DCBLD2: variants seen among roughly 807,000 people sequenced by gnomAD.
DCBLD2 encodes discoidin, CUB and LCCL domain-containing protein 2.
DCBLD2 carries 54 observed loss-of-function variants against 86.8 expected under a neutral mutation model. The ratio of observed to expected loss-of-function variants is 0.62; its 90% confidence interval spans 0.50 to 0.78. The LOEUF is 0.78. DCBLD2 is among the 30% of genes least tolerant of loss of function. The pLI, the probability that DCBLD2 is intolerant of heterozygous loss-of-function variation, is 0.00. For missense variants in DCBLD2, 908 were observed against 954.2 expected (o/e 0.95, Z 0.64); for synonymous variants, 354 against 341.3 (o/e 1.04, Z -0.41).
chr3:98,836,967 G>A (rs1942475027), intron 3 of DCBLD2, among the ~76,000 whole-genome samples: 1 of 89,672 alleles, frequency 1.1e-5, no homozygotes, highest in Non-Finnish European at 2.3e-5. Context: ...GCCGGGCAGA[G>A]GGGCTCCTCA....
At chr3:98,867,145 C>T (rs1026476059) in intron 2 of DCBLD2, among the ~76,000 whole-genome samples, 1 of 152,194 alleles carries the variant, frequency 6.6e-6, no homozygotes, top group African/African-American at 2.4e-5. Flanking sequence ...TAGCCTGATG[C>T]CTCCCGCTTT....
chr3:98,839,756 G>C (rs1191001494), intron 3 of DCBLD2, among the ~76,000 whole-genome samples: 2 of 152,148 alleles, frequency 1.3e-5, no homozygotes, highest in Non-Finnish European at 2.9e-5. Flanking sequence ...GGAGGTAAAA[G>C]ACAATGTTAG....
At chr3:98,864,297 A>G (rs1470293691) in intron 2 of DCBLD2, among the ~76,000 whole-genome samples, 2 of 152,216 alleles carry the variant, frequency 1.3e-5, no homozygotes, top group Non-Finnish European at 2.9e-5. Flanking sequence ...ACAGTGTGGC[A>G]ATTCCTCAAG....
rs1010944678 is a variant in DCBLD2 at position 98,822,313 on chromosome 3, T to G, written c.745A>C (p.Thr249Pro). 3 of 1,614,004 alleles carry G rather than the reference T, an allele frequency of 1.9e-6. No homozygotes were observed. Among genetic ancestry groups the G allele is most frequent in the Middle Eastern group, 1.6e-4 (1 of 6,062 alleles). ...AGVHAGVVSN[T>P]LGGQISVVIS... ...ACAACACTGATTTGGCCGCCCAACG[T>G]GTTTGACACTACTCCTGCATGCACA... The change falls in exon 6 of 16, where the codon ACG (threonine) becomes CCG (proline). Residue 249 changes from threonine to proline, a missense_variant. Around this residue, in one of 3 missense-constraint regions of DCBLD2, gnomAD observed 606 missense variants for 678.5 expected, o/e 0.89. Coordinates refer to ENST00000326840, the MANE Select transcript of DCBLD2 (RefSeq NM_080927.4).
intron 12 of DCBLD2, among the ~76,000 whole-genome samples, chr3:98,809,293 G>A (rs551641909): frequency 6.6e-6 from 1 of 152,086 alleles, no homozygotes; most frequent in African/African-American, 2.4e-5. Context: ...ATATTTACTG[G>A]GGGCTCAGAG....
At chr3:98,881,886 T>G in intron 1 of DCBLD2, 119 bp from the exon 2 acceptor site, 1 of 999,020 alleles carries the variant, frequency 1.0e-6, no homozygotes, top group Non-Finnish European at 1.5e-6. Context: ...CCACCCATAC[T>G]TTCTATTTTA....
rs548868254 is a variant in DCBLD2 at position 98,816,325 on chromosome 3, T to C, written c.1212+1444A>G. The C allele has an allele frequency of 1.2e-4, 18 of 151,488 alleles. 1 individual carries two copies. Among genetic ancestry groups the C allele is most frequent in the African/African-American group, 4.4e-4 (18 of 41,290 alleles). 9.4% of individuals were successfully genotyped at this position (151,488 alleles called of 1,614,324 possible). A position where few individuals can be genotyped will look rare whatever the true frequency, so the allele number is the denominator to read the frequency against. ...TTACCTTTCAAAAATGAATGCAACA[T>C]AGAATCTTTTTCAGAAATATCATTT... On this transcript the variant is annotated intron_variant, in intron 9 of 15. Coordinates refer to ENST00000326840, the MANE Select transcript of DCBLD2 (RefSeq NM_080927.4).
At chr3:98,831,271 C>A (rs1165356557) in intron 3 of DCBLD2, among the ~76,000 whole-genome samples, 1 of 151,096 alleles carries the variant, frequency 6.6e-6, no homozygotes, top group African/African-American at 2.4e-5. Flanking sequence ...AGGCTCATTA[C>A]CAACTCCTGA....
rs988446096 is a variant in DCBLD2 at position 98,798,870 on chromosome 3, T to C, written c.*502A>G. Reference sequence around the variant, plus strand: ...GTGGATATGGCTGCAATAAAAACAATGCTTATATCACTAATTATTAAAAAA... The same window carrying C: ...GTGGATATGGCTGCAATAAAAACAACGCTTATATCACTAATTATTAAAAAA... On this transcript the variant is annotated 3_prime_UTR_variant, in exon 16 of 16. Coordinates refer to ENST00000326840, the MANE Select transcript of DCBLD2 (RefSeq NM_080927.4). The C allele has an allele frequency of 6.5e-6, 1 of 152,838 alleles. No individual in the cohort carries two copies. Among genetic ancestry groups the C allele is most frequent in the Admixed American group, 6.5e-5 (1 of 15,316 alleles). 9.5% of individuals were successfully genotyped at this position (152,838 alleles called of 1,614,324 possible).
At chr3:98,865,361 AG>A (rs1481019778) in intron 2 of DCBLD2, among the ~76,000 whole-genome samples, 5 of 152,222 alleles carry the variant, frequency 3.3e-5, no homozygotes, top group African/African-American at 1.2e-4. Flanking sequence ...GAAATAAGCA[AG>A]GCATAGAAAG....
Position 98,881,535 on chromosome 3 carries a change from C to T in DCBLD2, c.433+5G>A. The T allele has an allele frequency of 6.2e-7, 1 of 1,611,928 alleles. No homozygotes were observed. Among genetic ancestry groups the T allele is most frequent in the Non-Finnish European group, 8.5e-7 (1 of 1,178,674 alleles). ...TACATGTACATTTACAAAAAAAAGT[C>T]CTACCTATTTCAGTTCTGCTGACTC... On this transcript the variant is annotated splice_donor_5th_base_variant and intron_variant, in intron 2 of 15. Transcript: ENST00000326840.
At chr3:98,810,536 A>C (rs755071798) in intron 12 of DCBLD2, among the ~76,000 whole-genome samples, 1 of 152,202 alleles carries the variant, frequency 6.6e-6, no homozygotes, top group Non-Finnish European at 1.5e-5. Context: ...TTAGTCTACT[A>C]TGACACTGAC....
intron 3 of DCBLD2, among the ~76,000 whole-genome samples, chr3:98,842,305 A>G (rs537199862): frequency 6.6e-6 from 1 of 152,184 alleles, no homozygotes; most frequent in Non-Finnish European, 1.5e-5. Flanking sequence ...TCAAGTGCTA[A>G]AGGATGTAGG....
chr3:98,798,117 C>T lies in DCBLD2; in HGVS notation c.*1255G>A, dbSNP rs1466664532. ...CTGCCAGGAGGTATCAAAAACAAGG[C>T]ATGAATATTCATTTGCTAGTAAGCT... On this transcript the variant is annotated 3_prime_UTR_variant, in exon 16 of 16. Transcript: ENST00000326840. The T allele has an allele frequency of 6.6e-6, 1 of 152,150 alleles. No individual in the cohort carries two copies. The highest frequency in any genetic ancestry group is 1.9e-4 in the East Asian group (1 of 5,192). 9.4% of individuals were successfully genotyped at this position (152,150 alleles called of 1,614,324 possible).
chr3:98,836,076 G>A lies in DCBLD2; in HGVS notation c.572-10710C>T, dbSNP rs956698049. ...CCTGTGTGTGTGTGTATGTGTGTGT[G>A]TATGTAAACCTCACCTTGCAATATT... On this transcript the variant is annotated intron_variant, in intron 3 of 15. Coordinates refer to ENST00000326840, the MANE Select transcript of DCBLD2 (RefSeq NM_080927.4). Among the ~76,000 whole-genome samples the A allele has an allele frequency of 1.4e-5, 2 of 141,672 alleles. 1 individual carries two copies. The highest frequency in any genetic ancestry group is 5.3e-5 in the African/African-American group (2 of 37,822). 92.9% of individuals were successfully genotyped at this position (141,672 alleles called of 152,430 possible).
intron 1 of DCBLD2, 45 bp downstream of exon 1, chr3:98,901,077 C>T (rs1486315611): frequency 1.3e-6 from 2 of 1,536,734 alleles, no homozygotes; most frequent in East Asian, 2.4e-5. Context: ...GACCCGCAGC[C>T]CCGACGGAGG....
At chr3:98,865,237 T>A (rs1357819305) in intron 2 of DCBLD2, among the ~76,000 whole-genome samples, 2 of 151,464 alleles carry the variant, frequency 1.3e-5, no homozygotes, top group African/African-American at 2.4e-5. Flanking sequence ...GATGAATGGA[T>A]AAAGGAAATG....
rs138134288 is a variant in DCBLD2, at chr3:98,897,193, C to T, written c.205+3929G>A. ...GTTCAAATGGAATTATCAACTATCC[C>T]CAGGGAAAATAATATGTTCTTTTTG... On this transcript the variant is annotated intron_variant, in intron 1 of 15. Transcript: ENST00000326840. 3.7e-3 allele frequency among the ~76,000 whole-genome samples: 559 copies of T among 152,128 alleles called. 1 individual carries two copies. In the Middle Eastern group the frequency reaches 0.037, roughly 10 times the overall value.
intron 8 of DCBLD2, 56 bp downstream of exon 8, chr3:98,819,146 G>C (rs1942072917): frequency 6.8e-7 from 1 of 1,474,428 alleles, no homozygotes; most frequent in African/African-American, 1.4e-5. Context: ...GATGTTACTA[G>C]TTTTTCAAAT....
Sources: allele counts gnomAD v4.1 joint callset (sites outside exome capture counted in the v4.1 genomes callset), GRCh38; gene constraint gnomAD v4.1.1; regional missense constraint gnomAD v4.1.1; transcripts MANE v1.5; gene names NCBI Gene and HGNC (gene_info 2026-07-23, HGNC 2026-07-21).